MIB1: variants seen among roughly 807,000 people sequenced by gnomAD.
The protein encoded by MIB1 is MIB E3 ubiquitin protein ligase 1.
A neutral mutation model predicts 124.5 loss-of-function variants in MIB1; 278 were observed. The observed-to-expected ratio is 2.23, with a 90% CI of 2.02 to 2.47. The LOEUF (loss-of-function observed/expected upper bound fraction) is 2.47, where lower values mean the gene tolerates loss of function less well. Ranked by LOEUF, MIB1 falls within the 30% of genes most tolerant of loss-of-function variation. MIB1 has a pLI of 0.00. For synonymous variants in MIB1, 446 were observed against 429.4 expected (o/e 1.04, Z -0.48); for missense variants, 957 against 1,254.4 (o/e 0.76, Z 3.58).
At chr18:21,808,654 A>G (rs546641137) in intron 10 of MIB1, among the ~76,000 whole-genome samples, 14 of 152,244 alleles carry the variant, frequency 9.2e-5, no homozygotes, top group Admixed American at 2.0e-4. Flanking sequence ...TTGTCTCCAT[A>G]TATTGACCTA....
At chr18:21,847,239 A>AT in intron 16 of MIB1, 114 bp downstream of exon 16, 2 of 930,002 alleles carry the variant, frequency 2.2e-6, no homozygotes, top group Non-Finnish European at 3.1e-6. Flanking sequence ...CTTCCTGTAT[A>AT]TTTGTGTTGA....
At chr18:21,786,240 G>C (rs976589633) in intron 6 of MIB1, among the ~76,000 whole-genome samples, 10 of 152,168 alleles carry the variant, frequency 6.6e-5, no homozygotes, top group South Asian at 6.2e-4. Context: ...GGGACTACAG[G>C]CGCCTGCCAC....
rs1186125032 is a variant in MIB1, at chr18:21,854,096, G to A, written c.2665+878G>A. Among the ~76,000 whole-genome samples, 7 of 149,404 alleles carry A rather than the reference G, an allele frequency of 4.7e-5. No individual in the cohort carries two copies. In the South Asian group the frequency reaches 6.4e-4, roughly 14 times the overall value. The stretch of plus-strand genomic sequence containing the variant: ...TGAACGTTTTCTTCTGTAACATTTT[G>A]CCTAAAGTGACTGTTTCTGTTTACC... On this transcript the variant is annotated intron_variant, in intron 18 of 20. Coordinates refer to ENST00000261537, the MANE Select transcript of MIB1 (RefSeq NM_020774.4).
intron 16 of MIB1, among the ~76,000 whole-genome samples, chr18:21,848,601 C>A (rs1391507739): frequency 1.3e-5 from 2 of 152,154 alleles, no homozygotes; most frequent in East Asian, 3.8e-4. Context: ...ACAGGGCATC[C>A]CTTTTCTGTA....
chr18:21,852,893 A>G (rs779997488), intron 17 of MIB1, among the ~76,000 whole-genome samples: 5 of 152,158 alleles, frequency 3.3e-5, no homozygotes, highest in Admixed American at 1.3e-4. Context: ...AGTTTTTTCT[A>G]TTCTATATTT....
At chr18:21,768,223 A>G (rs569231658) in intron 2 of MIB1, among the ~76,000 whole-genome samples, 1 of 152,342 alleles carries the variant, frequency 6.6e-6, no homozygotes, top group South Asian at 2.1e-4. Context: ...TGAAATGCTT[A>G]GACTAGGATC....
At chr18:21,806,450 C>T (rs2041707667) in intron 10 of MIB1, among the ~76,000 whole-genome samples, 1 of 152,086 alleles carries the variant, frequency 6.6e-6, no homozygotes, top group Admixed American at 6.6e-5. Flanking sequence ...GATCCTCCTG[C>T]CTTGGCTTCC....
At chr18:21,772,083 T>C (rs1189509242) in intron 3 of MIB1, among the ~76,000 whole-genome samples, 1 of 152,224 alleles carries the variant, frequency 6.6e-6, no homozygotes, top group East Asian at 1.9e-4. Flanking sequence ...ATTTAAAATA[T>C]GTTTCAAGTG....
intron 1 of MIB1, 119 bp from the exon 2 acceptor site, chr18:21,765,653 T>C: frequency 1.0e-6 from 1 of 956,502 alleles, no homozygotes; most frequent in Non-Finnish European, 1.5e-6. Context: ...TGAAGTGTTA[T>C]TTCCTAATTT....
chr18:21,741,673 C>T lies in MIB1; in HGVS notation c.90C>T (p.Asp30=), dbSNP rs1226793500. ...RGPDWKWGKQ[D]GGEGHVGTVR... ...CGGACTGGAAGTGGGGGAAGCAGGA[C>T]GGCGGCGAGGGCCATGTGGGCACCG... The change falls in exon 1 of 21, where the codon GAC becomes GAT. Residue 30 remains aspartate, a synonymous_variant. Coordinates refer to ENST00000261537, the MANE Select transcript of MIB1 (RefSeq NM_020774.4). This position sits in a 1 kb window ranked among gnomAD's most constrained non-coding sequence, Gnocchi z 5.4. 25 of 1,610,994 alleles carry T rather than the reference C, an allele frequency of 1.6e-5. No individual in the cohort carries two copies. Among genetic ancestry groups the T allele is most frequent in the Non-Finnish European group, 2.1e-5 (25 of 1,179,282 alleles).
At chr18:21,822,855 C>A (rs1021661927) in intron 12 of MIB1, among the ~76,000 whole-genome samples, 1 of 152,054 alleles carries the variant, frequency 6.6e-6, no homozygotes, top group Non-Finnish European at 1.5e-5. Context: ...ATCCCAGCGA[C>A]TTAGGAGGCT....
At chr18:21,709,501 A>G (rs1047493814) in intron 1 of MIB1, among the ~76,000 whole-genome samples, 2 of 152,134 alleles carry the variant, frequency 1.3e-5, no homozygotes, top group African/African-American at 4.8e-5. Context: ...CCTCACTACA[A>G]TGGATTATCC....
At chr18:21,861,955 G>A (rs1016056514) in intron 20 of MIB1, among the ~76,000 whole-genome samples, 2 of 151,782 alleles carry the variant, frequency 1.3e-5, no homozygotes, top group African/African-American at 4.8e-5. Context: ...AGGCTTGAGT[G>A]CAGTGGCACA....
chr18:21,831,666 G>GA (rs1408253151), intron 12 of MIB1, among the ~76,000 whole-genome samples: 1 of 151,570 alleles, frequency 6.6e-6, no homozygotes, highest in Non-Finnish European at 1.5e-5. Flanking sequence ...TTTTTTGAGG[G>GA]GGGGTAAGCA....
intron 1 of MIB1, among the ~76,000 whole-genome samples, chr18:21,725,806 G>C (rs554545827): frequency 2.0e-5 from 3 of 152,066 alleles, no homozygotes; most frequent in Admixed American, 1.3e-4. Context: ...AAGGAAGGAA[G>C]GAAGGAAAAC....
Position 21,815,783 on chromosome 18 carries a change from A to G in MIB1, c.1647A>G (p.Leu549=). 5 of 1,614,168 alleles carry G rather than the reference A, an allele frequency of 3.1e-6. No individual in the cohort carries two copies. Among genetic ancestry groups the G allele is most frequent in the Non-Finnish European group, 4.2e-6 (5 of 1,180,020 alleles). The change falls in exon 11 of 21, where the codon TTA becomes TTG. Residue 549 remains leucine, a synonymous_variant. Transcript: ENST00000261537. Reference sequence around the variant, plus strand: ...GTCATCTTCAAGTTGTGAAGACTTTATTGGACTTTGGCTGTCATCCCAGTC... The same window carrying G: ...GTCATCTTCAAGTTGTGAAGACTTTGTTGGACTTTGGCTGTCATCCCAGTC... The part of the protein sequence containing the change: ...NKGHLQVVKT[L]LDFGCHPSLQ...
intron 6 of MIB1, among the ~76,000 whole-genome samples, chr18:21,785,004 A>T (rs888681241): frequency 3.9e-5 from 6 of 152,190 alleles, no homozygotes; most frequent in Admixed American, 6.5e-5. Context: ...TCTTCTAGAT[A>T]GCAGTAGTAG....
Position 21,825,660 on chromosome 18 carries a change from G to T in MIB1, c.1829+6014G>T, listed in dbSNP as rs766041302. 2.3e-5 allele frequency: 12 copies of T among 518,620 alleles called. 1 individual carries two copies. Among genetic ancestry groups the T allele is most frequent in the South Asian group, 1.7e-4 (12 of 68,974 alleles). The allele number at this position is 518,620 out of a possible 1,614,324, so 32.1% of individuals were successfully genotyped here. On this transcript the variant is annotated intron_variant, in intron 12 of 20. Transcript: ENST00000261537. ...AGTTGAAATTAGTTGGCAAGTAATT[G>T]ATATTCACAAATGAAAACGTTGGTT... is the stretch of plus-strand genomic sequence containing the variant.
upstream of MIB1, among the ~76,000 whole-genome samples, chr18:21,739,084 A>G (rs2146369455): frequency 6.6e-6 from 1 of 152,160 alleles, no homozygotes; most frequent in East Asian, 1.9e-4. Context: ...AATAGATGCA[A>G]TAAAAAATTA....
Sources: allele counts gnomAD v4.1 joint callset (sites outside exome capture counted in the v4.1 genomes callset), GRCh38; gene constraint gnomAD v4.1.1; non-coding constraint Gnocchi (gnomAD v3.1); transcripts MANE v1.5; gene names NCBI Gene and HGNC (gene_info 2026-07-23, HGNC 2026-07-21).